PPM1L: variants seen among roughly 807,000 people sequenced by gnomAD.
PPM1L encodes the protein protein phosphatase, Mg2+/Mn2+ dependent 1L.
PPM1L carries 13 observed loss-of-function variants against 31.4 expected under a neutral mutation model. The ratio of observed to expected loss-of-function variants is 0.41; its 90% CI spans 0.27 to 0.66. The LOEUF (loss-of-function observed/expected upper bound fraction) is 0.66. Among genes scored for constraint, PPM1L ranks in the 30% least tolerant of loss-of-function variants. The pLI is 0.29. For missense variants in PPM1L, 326 were observed against 453.7 expected (o/e 0.72, Z 2.56); for synonymous variants, 184 against 175.4 (o/e 1.05, Z -0.39).
At chr3:160,773,435 G>A (rs957953829) in intron 1 of PPM1L, among the ~76,000 whole-genome samples, 2 of 152,138 alleles carry the variant, frequency 1.3e-5, no homozygotes, top group African/African-American at 4.8e-5. Flanking sequence ...CTCTTACTGC[G>A]AGGAAAGAGG....
chr3:160,788,044 G>A (rs1711985926), intron 1 of PPM1L, among the ~76,000 whole-genome samples: 1 of 152,088 alleles, frequency 6.6e-6, no homozygotes, highest in Non-Finnish European at 1.5e-5. Context: ...AAGTCCAGTA[G>A]CATGATGCCT....
At chr3:160,938,554 C>G (rs1320878294) in intron 1 of PPM1L, among the ~76,000 whole-genome samples, 1 of 152,154 alleles carries the variant, frequency 6.6e-6, no homozygotes, top group Non-Finnish European at 1.5e-5. Flanking sequence ...TTTGCAGATT[C>G]TTTGTAGCCT....
intron 2 of PPM1L, among the ~76,000 whole-genome samples, chr3:161,046,292 C>T (rs530793527): frequency 6.2e-4 from 95 of 152,086 alleles, no homozygotes; most frequent in Non-Finnish European, 1.1e-3. Flanking sequence ...AAACTACCAT[C>T]AGAGAATACT....
chr3:160,945,630 A>G (rs1428606754), intron 1 of PPM1L, among the ~76,000 whole-genome samples: 1 of 152,120 alleles, frequency 6.6e-6, no homozygotes, highest in Admixed American at 6.5e-5. Flanking sequence ...GGTGCCAAGA[A>G]ACTCAGAGTT....
chr3:160,783,560 A>G (rs1473285415), intron 1 of PPM1L, among the ~76,000 whole-genome samples: 2 of 150,566 alleles, frequency 1.3e-5, no homozygotes, highest in Non-Finnish European at 3.0e-5. Flanking sequence ...AGATCTCACC[A>G]TTGCACTCCA....
intron 1 of PPM1L, among the ~76,000 whole-genome samples, chr3:160,793,736 T>G (rs112879247): frequency 0.017 from 2,582 of 152,256 alleles, 70 homozygotes; most frequent in African/African-American, 0.059. Context: ...GTTTGCAAAC[T>G]GAGGAGAGGC....
At chr3:160,842,340 A>G (rs776646410) in intron 1 of PPM1L, 1 of 701,150 alleles carries the variant, frequency 1.4e-6, no homozygotes, top group South Asian at 1.5e-5. Flanking sequence ...ATGGGGGGTA[A>G]TGAATAATGG....
intron 1 of PPM1L, among the ~76,000 whole-genome samples, chr3:160,783,251 A>T (rs1477918112): frequency 6.6e-6 from 1 of 151,946 alleles, no homozygotes; most frequent in African/African-American, 2.4e-5. Context: ...TTAGCACATT[A>T]AAAAAAATGA....
chr3:160,956,126 A>T (rs1329178734), intron 1 of PPM1L, among the ~76,000 whole-genome samples: 1 of 152,200 alleles, frequency 6.6e-6, no homozygotes, highest in Non-Finnish European at 1.5e-5. Flanking sequence ...CATTTCCAGA[A>T]TTTAGGTTCT....
chr3:160,911,635 A>T (rs756575401), intron 1 of PPM1L, among the ~76,000 whole-genome samples: 13 of 152,148 alleles, frequency 8.5e-5, no homozygotes, highest in Admixed American at 2.0e-4. Flanking sequence ...GAGAAAAACA[A>T]ACCCCAGGGG....
At chr3:160,838,390 A>G (rs1713778753) in intron 1 of PPM1L, among the ~76,000 whole-genome samples, 1 of 152,148 alleles carries the variant, frequency 6.6e-6, no homozygotes, top group Non-Finnish European at 1.5e-5. Context: ...ACAGAGAGTG[A>G]TGGGCAGTAG....
chr3:160,812,325 C>G (rs1053140555), intron 1 of PPM1L, among the ~76,000 whole-genome samples: 2 of 152,154 alleles, frequency 1.3e-5, no homozygotes, highest in Non-Finnish European at 2.9e-5. Context: ...TAAGTTGTCA[C>G]TGTGATTTCC....
At chr3:160,940,199 G>A (rs1715116037) in intron 1 of PPM1L, among the ~76,000 whole-genome samples, 1 of 152,144 alleles carries the variant, frequency 6.6e-6, no homozygotes, top group African/African-American at 2.4e-5. Flanking sequence ...GGTGACTTGG[G>A]TACTGTTAAA....
chr3:160,942,602 T>A (rs760636136), intron 1 of PPM1L, among the ~76,000 whole-genome samples: 2 of 152,194 alleles, frequency 1.3e-5, no homozygotes, highest in Non-Finnish European at 2.9e-5. Flanking sequence ...TTATTGAGCA[T>A]CTACCTAATG....
chr3:161,070,591 G>A lies in PPM1L; in HGVS notation c.*1434G>A, dbSNP rs1016532633. The A allele has an allele frequency of 2.0e-5, 3 of 152,110 alleles. No homozygotes were observed. Among genetic ancestry groups the A allele is most frequent in the Non-Finnish European group, 2.9e-5 (2 of 68,034 alleles). The allele number at this position is 152,110 out of a possible 1,614,324, so 9.4% of individuals were successfully genotyped here. A position where few individuals can be genotyped will look rare whatever the true frequency, so the allele number is the denominator to read the frequency against. ...CAACCTTGGTATTTTATATTATTTA[G>A]AGAAAATGCTGGGTCACTCTCTTTG... On this transcript the variant is annotated 3_prime_UTR_variant, in exon 4 of 4. Coordinates refer to ENST00000498165, the MANE Select transcript of PPM1L (RefSeq NM_139245.4).
chr3:160,817,903 G>T (rs1713044104), intron 1 of PPM1L, among the ~76,000 whole-genome samples: 1 of 152,008 alleles, frequency 6.6e-6, no homozygotes, highest in South Asian at 2.1e-4. Flanking sequence ...ATGGATAATA[G>T]AGACAGGGAT....
chr3:160,854,377 G>A (rs1711615456), intron 1 of PPM1L, among the ~76,000 whole-genome samples: 1 of 152,204 alleles, frequency 6.6e-6, no homozygotes, highest in Non-Finnish European at 1.5e-5. Context: ...ATAAGGTAAA[G>A]TGTTTTTAGG....
chr3:160,871,027 T>A (rs2108029407), intron 1 of PPM1L, among the ~76,000 whole-genome samples: 1 of 152,334 alleles, frequency 6.6e-6, no homozygotes, highest in Admixed American at 6.5e-5. Context: ...AGCTGGAAGT[T>A]TAAATAGATA....
At chr3:160,827,655 A>G (rs992152745) in intron 1 of PPM1L, among the ~76,000 whole-genome samples, 2 of 152,146 alleles carry the variant, frequency 1.3e-5, no homozygotes, top group Non-Finnish European at 2.9e-5. Flanking sequence ...AGTGATAGCT[A>G]TTAGACTGTG....
Sources: allele counts gnomAD v4.1 joint callset (sites outside exome capture counted in the v4.1 genomes callset), GRCh38; gene constraint gnomAD v4.1.1; transcripts MANE v1.5; gene names NCBI Gene and HGNC (gene_info 2026-07-23, HGNC 2026-07-21).